Variants in CRIM1 observed in about 807,000 individuals in gnomAD.
CRIM1 encodes cysteine-rich motor neuron 1 protein.
Under a neutral mutation model 116.4 loss-of-function variants are expected in CRIM1, and 32 were observed. That is an observed-to-expected ratio of 0.27 (90% CI 0.21 to 0.37). The LOEUF (loss-of-function observed/expected upper bound fraction) is 0.37. Among genes scored for constraint, CRIM1 ranks in the 10% least tolerant of loss-of-function variants. The probability of loss-of-function intolerance (pLI) is 1.00; values close to 1 mark genes in which losing one functional copy is unlikely to be tolerated. For missense variants in CRIM1, 1,331 were observed against 1,354.8 expected (o/e 0.98, Z 0.28); for synonymous variants, 590 against 509.2 (o/e 1.16, Z -2.13).
intron 1 of CRIM1, among the ~76,000 whole-genome samples, chr2:36,371,990 T>A (rs1669975306): frequency 6.6e-6 from 1 of 152,188 alleles, no homozygotes; most frequent in Non-Finnish European, 1.5e-5. Context: ...TTAACAAACA[T>A]TTATGTTGAT....
chr2:36,447,161 A>G (rs17408370), intron 4 of CRIM1, among the ~76,000 whole-genome samples: 2,746 of 152,336 alleles, frequency 0.018, 46 homozygotes, highest in South Asian at 0.064. Context: ...TTGAGATAAT[A>G]AGAGACTTGC....
chr2:36,480,634 A>G (rs907732627), intron 7 of CRIM1, among the ~76,000 whole-genome samples: 1 of 152,188 alleles, frequency 6.6e-6, no homozygotes, highest in Non-Finnish European at 1.5e-5. Flanking sequence ...TAATAAACTC[A>G]GACTCCAGAG....
At chr2:36,446,857 G>GTGTCCTAA in intron 4 of CRIM1, among the ~76,000 whole-genome samples, 1 of 152,276 alleles carries the variant, frequency 6.6e-6, no homozygotes, top group South Asian at 2.1e-4. Context: ...TGAGGTTTAG[G>GTGTCCTAA]ACACCTTGTG....
In CRIM1 at chr2:36,550,066, T is replaced by TGTGCGCGC. The variant is rs374839318; in HGVS notation, c.*1366_*1367insTGCGCGCG. On this transcript the variant is annotated 3_prime_UTR_variant, in exon 17 of 17. Coordinates refer to ENST00000280527, the MANE Select transcript of CRIM1 (RefSeq NM_016441.3). ...ATGTGTGTGTGTGTGTGTGTGTGTG[T>TGTGCGCGC]GCGCGCGCACGCACGCCTTGAGCAG... The TGTGCGCGC allele has an allele frequency of 6.0e-5, 9 of 149,770 alleles. No individual in the cohort carries two copies. The South Asian group carries it at 1.5e-3, about 25-fold the overall frequency. The allele number at this position is 149,770 out of a possible 1,614,324, so 9.3% of individuals were successfully genotyped here.
rs539707015 is a variant in CRIM1 at position 36,408,441 on chromosome 2, G to A, written c.505+11654G>A. ...CCCAGCTGTGTCCGGCTAAGCCCTG[G>A]CCCCCACAAAGGTTTTTCCTGACAT... On this transcript the variant is annotated intron_variant, in intron 2 of 16. Transcript: ENST00000280527. Among the ~76,000 whole-genome samples, 20 of 152,264 alleles carry A rather than the reference G, an allele frequency of 1.3e-4. No homozygotes were observed. The South Asian group carries it at 4.2e-3, about 32-fold the overall frequency.
intron 2 of CRIM1, among the ~76,000 whole-genome samples, chr2:36,412,956 A>G (rs1364211827): frequency 1.3e-5 from 2 of 152,232 alleles, no homozygotes; most frequent in Admixed American, 1.3e-4. Flanking sequence ...TATCTGCAGC[A>G]TCAAAAATAA....
intron 4 of CRIM1, among the ~76,000 whole-genome samples, chr2:36,448,908 T>C (rs1676465599): frequency 1.3e-5 from 2 of 152,152 alleles, no homozygotes; most frequent in African/African-American, 2.4e-5. Flanking sequence ...TGCCTCTCTC[T>C]GACCAAGGGC....
intron 14 of CRIM1, 59 bp downstream of exon 14, chr2:36,537,605 G>C (rs1037727297): frequency 6.7e-7 from 1 of 1,488,506 alleles, no homozygotes; most frequent in Non-Finnish European, 9.0e-7. Flanking sequence ...AGATGAAATC[G>C]AAGCAGAGCT....
chr2:36,399,065 A>T (rs1672239359), intron 2 of CRIM1, among the ~76,000 whole-genome samples: 1 of 152,244 alleles, frequency 6.6e-6, no homozygotes, highest in Non-Finnish European at 1.5e-5. Flanking sequence ...GGGAATCTGC[A>T]TGACTTACAT....
Position 36,513,738 on chromosome 2 carries a change from C to G in CRIM1, c.1963C>G (p.Pro655Ala). The G allele has an allele frequency of 1.2e-6, 2 of 1,614,144 alleles. No individual in the cohort carries two copies. Among genetic ancestry groups the G allele is most frequent in the Non-Finnish European group, 8.5e-7 (1 of 1,180,004 alleles). ...VPACGNPTIH[P>A]GQCCPSCADD... ...TGCCTGTGGCAACCCCACCATTCACCCTGGACAGTGCTGCCCATCATGTGC... is the reference window on the plus strand; with the variant it reads ...TGCCTGTGGCAACCCCACCATTCACGCTGGACAGTGCTGCCCATCATGTGC... The change falls in exon 11 of 17, where the codon CCT (proline) becomes GCT (alanine). Residue 655 changes from proline to alanine, a missense_variant. Physicochemically the swap from Pro to Ala is conservative, Grantham distance 27 (BLOSUM62 -1). Transcript: ENST00000280527.
chr2:36,384,398 A>T (rs980343429), intron 1 of CRIM1, among the ~76,000 whole-genome samples: 1 of 152,192 alleles, frequency 6.6e-6, no homozygotes, highest in Non-Finnish European at 1.5e-5. Flanking sequence ...ATTTATAGAT[A>T]CGGCTTGTGC....
chr2:36,453,269 G>A (rs1383668852), intron 4 of CRIM1, among the ~76,000 whole-genome samples: 2 of 152,196 alleles, frequency 1.3e-5, no homozygotes, highest in African/African-American at 4.8e-5. Flanking sequence ...TGGTCAGTCT[G>A]TTGTGAATGT....
chr2:36,455,016 G>A (rs955447183), intron 4 of CRIM1, among the ~76,000 whole-genome samples: 2 of 152,188 alleles, frequency 1.3e-5, no homozygotes, highest in Admixed American at 6.5e-5. Flanking sequence ...CAGTCAGGAG[G>A]AGGTTCAGGC....
At chr2:36,464,054 C>T (rs1423381338) in intron 4 of CRIM1, among the ~76,000 whole-genome samples, 1 of 152,144 alleles carries the variant, frequency 6.6e-6, no homozygotes, top group Non-Finnish European at 1.5e-5. Context: ...ATAACTTAAT[C>T]ATTGAACCAG....
chr2:36,541,695 C>T (rs1238760524), intron 14 of CRIM1, among the ~76,000 whole-genome samples: 1 of 152,184 alleles, frequency 6.6e-6, no homozygotes, highest in East Asian at 1.9e-4. Flanking sequence ...AAGCGCAGGT[C>T]AAGTATGAGC....
intron 1 of CRIM1, among the ~76,000 whole-genome samples, chr2:36,362,866 C>A (rs1267276769): frequency 6.6e-6 from 1 of 152,126 alleles, no homozygotes; most frequent in African/African-American, 2.4e-5. Flanking sequence ...TAATTCCCCA[C>A]ATGAAAATAC....
chr2:36,471,115 A>G (rs1486087153), intron 5 of CRIM1, among the ~76,000 whole-genome samples: 4 of 152,222 alleles, frequency 2.6e-5, no homozygotes, highest in African/African-American at 9.6e-5. Flanking sequence ...ACTGGAAAGG[A>G]TGAGGAGTTT....
chr2:36,462,848 A>T (rs1224231412), intron 4 of CRIM1, among the ~76,000 whole-genome samples: 3 of 152,222 alleles, frequency 2.0e-5, no homozygotes, highest in Non-Finnish European at 4.4e-5. Context: ...TTATGTGCTT[A>T]CCACTGCAAT....
Position 36,479,761 on chromosome 2 carries a change from A to C in CRIM1, c.1372+67A>C, listed in dbSNP as rs1410412900. 5 of 1,484,144 alleles carry C rather than the reference A, an allele frequency of 3.4e-6. No individual in the cohort carries two copies. The African/African-American group carries it at 6.9e-5, about 21-fold the overall frequency. The allele number at this position is 1,484,144 out of a possible 1,614,324, so 91.9% of individuals were successfully genotyped here. A position where few individuals can be genotyped will look rare whatever the true frequency, so the allele number is the denominator to read the frequency against. On this transcript the variant is annotated intron_variant, in intron 7 of 16. Transcript: ENST00000280527. The stretch of plus-strand genomic sequence containing the variant: ...CTGTTGGAGAAGCTTCTACCAGCGT[A>C]CGTTCTTGTTTGTTTATTTCCTTGG...
Sources: allele counts gnomAD v4.1 joint callset (sites outside exome capture counted in the v4.1 genomes callset), GRCh38; gene constraint gnomAD v4.1.1; transcripts MANE v1.5; gene names NCBI Gene and HGNC (gene_info 2026-07-23, HGNC 2026-07-21).